Variants in CNR2 observed in about 807,000 individuals in gnomAD.
CNR2 encodes the protein cannabinoid receptor 2 (macrophage).
For missense variants in CNR2, 379 were observed against 439.9 expected, an observed-to-expected ratio of 0.86 and a Z score of 1.24; for synonymous variants, 172 against 182.2, an observed-to-expected ratio of 0.94 and a Z score of 0.45.
intron 1 of CNR2, among the ~76,000 whole-genome samples, chr1:23,890,452 C>T (rs1163074073): frequency 2.6e-5 from 4 of 151,864 alleles, no homozygotes; most frequent in African/African-American, 9.7e-5. Context: ...AATGACCCAT[C>T]AGAAACAGAC....
chr1:23,908,942 G>A (rs146334489), intron 1 of CNR2, among the ~76,000 whole-genome samples: 271 of 152,188 alleles, frequency 1.8e-3, no homozygotes, highest in African/African-American at 6.2e-3. Context: ...TGGTGGGGGT[G>A]AGGGAGTGGG....
At chr1:23,899,526 T>C (rs1640345239) in intron 1 of CNR2, among the ~76,000 whole-genome samples, 1 of 151,530 alleles carries the variant, frequency 6.6e-6, no homozygotes, top group South Asian at 2.1e-4. Flanking sequence ...TTAGAAATTA[T>C]GGTTTAGGGT....
At chr1:23,901,584 T>C in intron 1 of CNR2, 1 of 1,613,034 alleles carries the variant, frequency 6.2e-7, no homozygotes. Flanking sequence ...ACTTGCGTCA[T>C]CCCCTCCTGC....
At position 23,901,570 on chromosome 1, in the gene CNR2, C is replaced by T. The variant is rs1486293139; in HGVS notation, c.-46+11676G>A. 9 of 1,613,452 alleles carry T rather than the reference C, an allele frequency of 5.6e-6. No individual in the cohort carries two copies. In the African/African-American group the frequency reaches 1.1e-4, roughly 19 times the overall value. On this transcript the variant is annotated intron_variant, in intron 1 of 1. Transcript: ENST00000374472. ...GGAACTGGAAGGCCACCTTTCTGCA[C>T]TGCACTTGCGTCATCCCCTCCTGCC...
At chr1:23,897,480 A>AT (rs1640303502) in intron 1 of CNR2, among the ~76,000 whole-genome samples, 1 of 50,166 alleles carries the variant, frequency 2.0e-5, no homozygotes, top group Non-Finnish European at 4.2e-5. Context: ...ATGTTAATAG[A>AT]ATTTTTTTTT....
At position 23,874,563 on chromosome 1, in the gene CNR2, G is replaced by C. The variant is rs191952641; in HGVS notation, c.1055C>G (p.Ser352Cys). ...ADGKITPWPD[S>C]RDLDLSDC Reference sequence around the variant, plus strand: ...GCAATCAGAGAGGTCTAGATCTCTGGAATCTGGCCACGGAGTGATTTTCCC... The same window carrying C: ...GCAATCAGAGAGGTCTAGATCTCTGCAATCTGGCCACGGAGTGATTTTCCC... The change falls in exon 2 of 2, where the codon TCC (serine) becomes TGC (cysteine). Residue 352 changes from serine to cysteine, a missense_variant. By Grantham distance (112) the Ser-to-Cys change is moderately radical. Transcript: ENST00000374472. The C allele has an allele frequency of 6.2e-7, 1 of 1,613,908 alleles. No homozygotes were observed. Among genetic ancestry groups the C allele is most frequent in the East Asian group, 2.2e-5 (1 of 44,870 alleles).
At chr1:23,877,583 C>T (rs3123557) in intron 1 of CNR2, among the ~76,000 whole-genome samples, 89,187 of 150,450 alleles carry the variant, frequency 0.59, 26,242 homozygotes, top group South Asian at 0.72. Flanking sequence ...TGCAGTGAGC[C>T]GAGAGCCGAG....
rs193009326 is a variant in CNR2, at chr1:23,870,589, G to C, written c.*3946C>G. ...CTTGGGGAAGATAAAATGGGACATT[G>C]TGATCTTCAATTTATTTCTCCTTAT... On this transcript the variant is annotated 3_prime_UTR_variant, in exon 2 of 2. Coordinates refer to ENST00000374472, the MANE Select transcript of CNR2 (RefSeq NM_001841.3). 24 of 152,296 alleles carry C rather than the reference G, an allele frequency of 1.6e-4. No homozygotes were observed. The highest frequency in any genetic ancestry group is 5.8e-4 in the African/African-American group (24 of 41,556). 9.4% of individuals were successfully genotyped at this position (152,296 alleles called of 1,614,324 possible). A position where few individuals can be genotyped will look rare whatever the true frequency, so the allele number is the denominator to read the frequency against.
intron 1 of CNR2, among the ~76,000 whole-genome samples, chr1:23,880,385 G>T (rs1639960270): frequency 6.6e-6 from 1 of 151,886 alleles, no homozygotes; most frequent in African/African-American, 2.4e-5. Flanking sequence ...CACCGTGTTA[G>T]TCAGGCTGGT....
intron 1 of CNR2, chr1:23,901,436 C>T: frequency 2.6e-6 from 4 of 1,513,726 alleles, no homozygotes; most frequent in Admixed American, 2.1e-5. Flanking sequence ...TCCCCTCCAT[C>T]CACTCGCCGA....
chr1:23,875,487 C>T lies in CNR2; in HGVS notation c.131G>A (p.Gly44Asp). ...TAVAVLCTLL[G>D]LLSALENVAV... ...CACGTTCTCCAGGGCACTTAGCAGGCCCAGAAGAGTGCACAACACAGCAAC... is the reference window on the plus strand; with the variant it reads ...CACGTTCTCCAGGGCACTTAGCAGGTCCAGAAGAGTGCACAACACAGCAAC... Residue 44 changes from glycine to aspartate, a missense_variant, in exon 2 of 2, where the codon GGC becomes GAC. Coordinates refer to ENST00000374472, the MANE Select transcript of CNR2 (RefSeq NM_001841.3). The T allele has an allele frequency of 6.2e-7, 1 of 1,614,164 alleles. No individual in the cohort carries two copies. Among genetic ancestry groups the T allele is most frequent in the African/African-American group, 1.3e-5 (1 of 75,046 alleles).
chr1:23,894,632 TC>T (rs1323389056), intron 1 of CNR2, among the ~76,000 whole-genome samples: 4 of 88,408 alleles, frequency 4.5e-5, no homozygotes, highest in Non-Finnish European at 8.7e-5. Context: ...TGAAACCCCA[TC>T]TGTATTATAA....
In CNR2 at chr1:23,888,002, T is replaced by G. The variant is rs552033032; in HGVS notation, c.-45-12340A>C. Among the ~76,000 whole-genome samples the G allele has an allele frequency of 2.6e-5, 4 of 152,286 alleles. No homozygotes were observed. The South Asian group carries it at 8.3e-4, about 32-fold the overall frequency. On this transcript the variant is annotated intron_variant, in intron 1 of 1. Transcript: ENST00000374472. ...AAATAAGCATAAGCTGCAAACCAAG[T>G]TTTCCCAGAGATGTAAGACATGTTG... is the stretch of plus-strand genomic sequence containing the variant.
intron 1 of CNR2, among the ~76,000 whole-genome samples, chr1:23,908,795 A>AG (rs1485117783): frequency 1.3e-5 from 2 of 152,184 alleles, no homozygotes; most frequent in African/African-American, 4.8e-5. Flanking sequence ...AAACAGACCC[A>AG]GGGAGAGACA....
At chr1:23,898,641 ATTTTTTTTTTT>A (rs71026701) in intron 1 of CNR2, among the ~76,000 whole-genome samples, 3 of 25,300 alleles carry the variant, frequency 1.2e-4, no homozygotes, top group African/African-American at 1.7e-4. Flanking sequence ...CGCCTGGCCA[ATTTTTTTTTTT>A]TTTTTTTTTT....
At chr1:23,896,588 T>C (rs934408510) in intron 1 of CNR2, among the ~76,000 whole-genome samples, 1 of 152,214 alleles carries the variant, frequency 6.6e-6, no homozygotes, top group Non-Finnish European at 1.5e-5. Context: ...ATGTCATCTC[T>C]ATTGTGCCCT....
chr1:23,892,023 A>G (rs1019903593), intron 1 of CNR2, among the ~76,000 whole-genome samples: 4 of 152,178 alleles, frequency 2.6e-5, no homozygotes, highest in African/African-American at 9.6e-5. Context: ...TCCCAAGCCC[A>G]TGACAGACAC....
At chr1:23,886,568 A>G (rs1291560065) in intron 1 of CNR2, among the ~76,000 whole-genome samples, 1 of 152,226 alleles carries the variant, frequency 6.6e-6, no homozygotes, top group East Asian at 1.9e-4. Flanking sequence ...CGCCACCCCC[A>G]ACATCCCTCT....
chr1:23,905,533 A>C (rs1229847363), intron 1 of CNR2, among the ~76,000 whole-genome samples: 1 of 151,486 alleles, frequency 6.6e-6, no homozygotes, highest in East Asian at 1.9e-4. Flanking sequence ...TATATTCTAC[A>C]CAACAAATCC....
Sources: gnomAD v4.1 joint callset for allele counts (sites outside exome capture counted in the v4.1 genomes callset) on GRCh38, gnomAD v4.1.1 for gene constraint, MANE v1.5 for transcripts, NCBI Gene and HGNC (gene_info 2026-07-23, HGNC 2026-07-21) for gene names.